MIR2052HG: variants seen among roughly 807,000 people sequenced by gnomAD.
The protein encoded by MIR2052HG is MIR2052 host gene.
Position 74,627,864 on chromosome 8 carries a change from A to G in MIR2052HG, n.216+14924A>G, listed in dbSNP as rs192279295. On this transcript the variant is annotated intron_variant and non_coding_transcript_variant, in intron 2 of 6. Coordinates refer to ENST00000523442, the Ensembl canonical transcript of MIR2052HG. ...TTTCTCAATGACCTCTTCCATGTTA[A>G]CAAGATTACAATTAGGGATGTGGAG... 4.6e-5 allele frequency among the ~76,000 whole-genome samples: 7 copies of G among 152,348 alleles called. No homozygotes were observed. In the East Asian group the frequency reaches 1.3e-3, roughly 29 times the overall value.
chr8:74,731,166 G>A (rs902806261), intron 4 of MIR2052HG, among the ~76,000 whole-genome samples: 1 of 152,152 alleles, frequency 6.6e-6, no homozygotes, highest in African/African-American at 2.4e-5. Flanking sequence ...TGATGGTAGC[G>A]ATAAAGGCCA....
At chr8:74,708,792 T>A (rs1370088988) in intron 4 of MIR2052HG, among the ~76,000 whole-genome samples, 1 of 148,934 alleles carries the variant, frequency 6.7e-6, no homozygotes, top group African/African-American at 2.4e-5. Context: ...AGAATTTAAA[T>A]TTAAAAAAAA....
rs140163593 is a variant in MIR2052HG at position 74,660,842 on chromosome 8, C to T, written n.217-41537C>T. On this transcript the variant is annotated intron_variant and non_coding_transcript_variant, in intron 2 of 6. Transcript: ENST00000523442. Reference sequence around the variant, plus strand: ...AAAAAAGTAATCTTGCTTTCATACACGCTGATCTTATAAAAGGCTTTATGT... The same window carrying T: ...AAAAAAGTAATCTTGCTTTCATACATGCTGATCTTATAAAAGGCTTTATGT... Among the ~76,000 whole-genome samples the T allele has an allele frequency of 3.8e-3, 557 of 146,582 alleles. 12 individuals carry two copies. In the East Asian group the frequency reaches 0.074, roughly 20 times the overall value.
intron 1 of MIR2052HG, chr8:74,603,729 C>T: frequency 2.3e-6 from 2 of 879,936 alleles, no homozygotes; most frequent in South Asian, 2.6e-5. Flanking sequence ...TGGTCACGCC[C>T]TTCGGGGGGG....
At chr8:74,643,955 G>A (rs1365031) in intron 2 of MIR2052HG, among the ~76,000 whole-genome samples, 61,105 of 152,026 alleles carry the variant, frequency 0.4, 13,430 homozygotes, top group East Asian at 0.66. Context: ...TCTGGGGATT[G>A]CTTGGTGGTA....
Position 74,639,466 on chromosome 8 carries a change from G to A in MIR2052HG, n.216+26526G>A, listed in dbSNP as rs995409345. ...AGGTACAGAAACTCTGCCTTGAATG[G>A]GAAGATAATAGCTCAAATTATGAGG... On this transcript the variant is annotated intron_variant and non_coding_transcript_variant, in intron 2 of 6. Transcript: ENST00000523442. Among the ~76,000 whole-genome samples, 5 of 152,206 alleles carry A rather than the reference G, an allele frequency of 3.3e-5. 1 individual carries two copies. The highest frequency in any genetic ancestry group is 4.2e-4 in the South Asian group (2 of 4,812).
chr8:74,642,832 T>C (rs994987683), intron 2 of MIR2052HG, among the ~76,000 whole-genome samples: 1 of 152,224 alleles, frequency 6.6e-6, no homozygotes, highest in African/African-American at 2.4e-5. Flanking sequence ...TCCCATCATC[T>C]ACTTGGGTTT....
chr8:74,676,497 T>C (rs376021070), intron 2 of MIR2052HG, among the ~76,000 whole-genome samples: 26 of 150,064 alleles, frequency 1.7e-4, no homozygotes, highest in Non-Finnish European at 5.9e-5. Flanking sequence ...TTCCAAACAG[T>C]AAAAGAAAAA....
intron 4 of MIR2052HG, among the ~76,000 whole-genome samples, chr8:74,726,916 T>C (rs1362144254): frequency 6.6e-6 from 1 of 152,226 alleles, no homozygotes; most frequent in Non-Finnish European, 1.5e-5. Context: ...ATATTTTTAT[T>C]AGTTTTTGGA....
intron 3 of MIR2052HG, chr8:74,702,464 A>G (rs558071293): frequency 1.8e-5 from 8 of 451,928 alleles, no homozygotes; most frequent in African/African-American, 1.6e-4. Context: ...AAGGTAAGTC[A>G]GTTCTTCTGA....
At chr8:74,708,769 A>C (rs1809435823) in intron 4 of MIR2052HG, among the ~76,000 whole-genome samples, 1 of 150,282 alleles carries the variant, frequency 6.7e-6, no homozygotes, top group African/African-American at 2.4e-5. Flanking sequence ...CTTTAAAATA[A>C]AAATTTTAAA....
intron 4 of MIR2052HG, among the ~76,000 whole-genome samples, chr8:74,719,849 C>CTT (rs10647233): frequency 0.018 from 1,902 of 106,696 alleles, 77 homozygotes; most frequent in Non-Finnish European, 0.023. Context: ...TTTCTTTTTT[C>CTT]TTTTTTTTTT....
At chr8:74,687,122 G>A (rs1593410) in intron 2 of MIR2052HG, among the ~76,000 whole-genome samples, 36,838 of 151,940 alleles carry the variant, frequency 0.24, 5,486 homozygotes, top group East Asian at 0.65. Flanking sequence ...AATTGTCAGG[G>A]CAATGCAATC....
chr8:74,641,539 C>T (rs1057295127), intron 2 of MIR2052HG, among the ~76,000 whole-genome samples: 5 of 151,766 alleles, frequency 3.3e-5, no homozygotes, highest in South Asian at 4.1e-4. Flanking sequence ...CATATATTTG[C>T]TTTTTGAATA....
At chr8:74,603,733 G>C (rs1302414187) in intron 1 of MIR2052HG, 22 of 870,182 alleles carry the variant, frequency 2.5e-5, no homozygotes, top group Non-Finnish European at 3.6e-5. Flanking sequence ...CACGCCCTTC[G>C]GGGGGGACTC....
Position 74,692,915 on chromosome 8 carries a change from C to T in MIR2052HG, n.217-9464C>T, listed in dbSNP as rs113838828. 5.3e-4 allele frequency among the ~76,000 whole-genome samples: 81 copies of T among 151,976 alleles called. No individual in the cohort carries two copies. The Middle Eastern group carries it at 0.01, about 19-fold the overall frequency. ...CAAGAATAAAAGTATTTTTCTTTCT[C>T]GGGGTATGATTTGGTCAAGAAAAGA... On this transcript the variant is annotated intron_variant and non_coding_transcript_variant, in intron 2 of 6. Coordinates refer to ENST00000523442, the Ensembl canonical transcript of MIR2052HG.
intron 4 of MIR2052HG, among the ~76,000 whole-genome samples, chr8:74,739,576 G>C (rs1809805229): frequency 6.6e-6 from 1 of 152,050 alleles, no homozygotes; most frequent in Non-Finnish European, 1.5e-5. Context: ...GAATGCAAAG[G>C]TCATGTAAAT....
chr8:74,748,172 C>T (rs929680926), intron 4 of MIR2052HG, among the ~76,000 whole-genome samples: 4 of 152,134 alleles, frequency 2.6e-5, no homozygotes, highest in Admixed American at 6.5e-5. Flanking sequence ...GAATACAAGC[C>T]AAAATTCAAA....
At chr8:74,659,800 G>A (rs1808842541) in intron 2 of MIR2052HG, among the ~76,000 whole-genome samples, 1 of 152,108 alleles carries the variant, frequency 6.6e-6, no homozygotes, top group African/African-American at 2.4e-5. Context: ...CCTCTTTATA[G>A]CACTTACAGG....
Sources: allele counts gnomAD v4.1 joint callset (sites outside exome capture counted in the v4.1 genomes callset), GRCh38; gene constraint gnomAD v4.1.1; transcripts MANE v1.5; gene names NCBI Gene and HGNC (gene_info 2026-07-23, HGNC 2026-07-21).